Variants in PSTPIP2 observed in about 807,000 individuals in gnomAD.
The protein encoded by PSTPIP2 is proline-serine-threonine phosphatase-interacting protein 2.
Under a neutral mutation model 63.3 loss-of-function variants are expected in PSTPIP2, and 33 were observed. The ratio of observed to expected loss-of-function variants is 0.52; its 90% CI spans 0.40 to 0.70. PSTPIP2 has a LOEUF of 0.70. Ranked by LOEUF, PSTPIP2 falls within the 30% of genes least tolerant of loss-of-function variation. The pLI is 0.00. For synonymous variants in PSTPIP2, 125 were observed against 132.7 expected (o/e 0.94, Z 0.40); for missense variants, 312 against 400.7 (o/e 0.78, Z 1.89).
intron 1 of PSTPIP2, among the ~76,000 whole-genome samples, chr18:46,059,144 C>CTTCT: frequency 6.6e-6 from 1 of 151,874 alleles, no homozygotes; most frequent in Middle Eastern, 3.4e-3. Context: ...TCAAGTGATT[C>CTTCT]TTCTGCCTCA....
At chr18:46,060,933 G>A (rs551277866) in intron 1 of PSTPIP2, among the ~76,000 whole-genome samples, 18 of 152,250 alleles carry the variant, frequency 1.2e-4, no homozygotes, top group Admixed American at 7.9e-4. Flanking sequence ...ACAATGACAC[G>A]TATAAAACAG....
intron 3 of PSTPIP2, among the ~76,000 whole-genome samples, chr18:46,024,318 A>G (rs1001532156): frequency 3.3e-5 from 5 of 151,946 alleles, no homozygotes; most frequent in African/African-American, 1.2e-4. Flanking sequence ...TTCTATTTTT[A>G]GTAGGGATGG....
intron 3 of PSTPIP2, among the ~76,000 whole-genome samples, chr18:46,022,658 C>T (rs955731868): frequency 2.0e-5 from 3 of 152,060 alleles, no homozygotes; most frequent in Admixed American, 6.6e-5. Context: ...AATTATGAAA[C>T]CCTTCTAAGT....
intron 3 of PSTPIP2, among the ~76,000 whole-genome samples, chr18:46,022,805 A>T (rs540481427): frequency 6.6e-6 from 1 of 152,346 alleles, no homozygotes; most frequent in African/African-American, 2.4e-5. Context: ...ATTATGGTAC[A>T]GAAATCTCAC....
intron 9 of PSTPIP2, among the ~76,000 whole-genome samples, chr18:45,994,793 C>T (rs180708971): frequency 3.3e-4 from 50 of 152,084 alleles, no homozygotes; most frequent in Non-Finnish European, 7.1e-4. Flanking sequence ...TGCATTATTT[C>T]ACCTCTAAAT....
intron 1 of PSTPIP2, among the ~76,000 whole-genome samples, chr18:46,065,818 T>C (rs1198727762): frequency 6.6e-6 from 1 of 151,880 alleles, no homozygotes; most frequent in Admixed American, 6.6e-5. Flanking sequence ...GCCAGGCTGG[T>C]CTCAAACTCC....
intron 1 of PSTPIP2, among the ~76,000 whole-genome samples, chr18:46,071,724 TCAGCTC>T (rs1283657771): frequency 6.6e-6 from 1 of 152,180 alleles, no homozygotes; most frequent in Non-Finnish European, 1.5e-5. Context: ...CTCTCACGGC[TCAGCTC>T]CAGGGACCGG....
intron 1 of PSTPIP2, among the ~76,000 whole-genome samples, chr18:46,044,622 T>C (rs544289156): frequency 9.9e-5 from 15 of 152,008 alleles, no homozygotes; most frequent in Non-Finnish European, 1.6e-4. Flanking sequence ...TCTAAAACAC[T>C]AAAAACAATG....
chr18:46,019,726 C>T (rs559081542), intron 3 of PSTPIP2, among the ~76,000 whole-genome samples: 3 of 152,148 alleles, frequency 2.0e-5, no homozygotes, highest in Non-Finnish European at 2.9e-5. Flanking sequence ...ATTTGAACCC[C>T]GGAAGCAGAG....
chr18:46,042,002 C>T (rs765492324), intron 1 of PSTPIP2, among the ~76,000 whole-genome samples: 4 of 152,134 alleles, frequency 2.6e-5, no homozygotes, highest in Non-Finnish European at 5.9e-5. Flanking sequence ...CTTATGATGG[C>T]CTAGTTGAGC....
intron 3 of PSTPIP2, among the ~76,000 whole-genome samples, chr18:46,016,470 T>G (rs1018547851): frequency 6.6e-6 from 1 of 152,248 alleles, no homozygotes; most frequent in Admixed American, 6.5e-5. Flanking sequence ...TTACATTCAT[T>G]TAGTCAATAA....
chr18:45,987,597 CA>C (rs1349906288), intron 14 of PSTPIP2, among the ~76,000 whole-genome samples: 2 of 150,056 alleles, frequency 1.3e-5, no homozygotes. Context: ...CAGACAAATT[CA>C]AAAACAGGAA....
At chr18:46,048,619 A>G (rs1908468250) in intron 1 of PSTPIP2, among the ~76,000 whole-genome samples, 1 of 152,204 alleles carries the variant, frequency 6.6e-6, no homozygotes, top group Non-Finnish European at 1.5e-5. Flanking sequence ...GGAAACGGGC[A>G]AACTCAAATC....
intron 14 of PSTPIP2, among the ~76,000 whole-genome samples, chr18:45,988,257 C>A (rs1177000704): frequency 6.6e-6 from 1 of 151,684 alleles, no homozygotes; most frequent in East Asian, 1.9e-4. Flanking sequence ...CATGGTGAAG[C>A]CCTGTTTCTA....
chr18:46,045,485 G>A (rs2144116878), intron 1 of PSTPIP2, among the ~76,000 whole-genome samples: 1 of 152,154 alleles, frequency 6.6e-6, no homozygotes, highest in South Asian at 2.1e-4. Context: ...CACAGGAGGG[G>A]GAACATCACA....
intron 1 of PSTPIP2, among the ~76,000 whole-genome samples, chr18:46,057,615 C>G (rs938229194): frequency 1.3e-5 from 2 of 152,056 alleles, no homozygotes; most frequent in South Asian, 2.1e-4. Flanking sequence ...CAGGCGTGCC[C>G]CACTGTGCCT....
intron 1 of PSTPIP2, among the ~76,000 whole-genome samples, chr18:46,070,331 C>T (rs1909348611): frequency 6.6e-6 from 1 of 152,214 alleles, no homozygotes; most frequent in Non-Finnish European, 1.5e-5. Flanking sequence ...AACTCTGTGG[C>T]CTGGAACCCT....
intron 9 of PSTPIP2, chr18:45,993,930 G>A: frequency 2.0e-6 from 1 of 501,344 alleles, no homozygotes; most frequent in Non-Finnish European, 3.6e-6. Flanking sequence ...ATAGTTCTGA[G>A]GGTAAAAAGT....
chr18:46,022,673 G>A (rs1299323314), intron 3 of PSTPIP2, among the ~76,000 whole-genome samples: 1 of 152,194 alleles, frequency 6.6e-6, no homozygotes, highest in Non-Finnish European at 1.5e-5. Flanking sequence ...CTAAGTGTGA[G>A]TTGCCACAGG....
Sources: gnomAD v4.1 joint callset for allele counts (sites outside exome capture counted in the v4.1 genomes callset) on GRCh38, gnomAD v4.1.1 for gene constraint, MANE v1.5 for transcripts, NCBI Gene and HGNC (gene_info 2026-07-23, HGNC 2026-07-21) for gene names.